KYNU: variants seen among roughly 807,000 people sequenced by gnomAD.
KYNU encodes L-kynurenine hydrolase.
Under a neutral mutation model 59.2 loss-of-function variants are expected in KYNU, and 54 were observed. The observed-to-expected ratio is 0.91, with a 90% confidence interval of 0.73 to 1.14. KYNU has a LOEUF of 1.14. Ranked by LOEUF, KYNU falls within the 50% of genes most tolerant of loss-of-function variation. The pLI is 0.00. For missense variants in KYNU, 567 were observed against 554.4 expected, an observed-to-expected ratio of 1.02 and a Z score of -0.23; for synonymous variants, 177 against 192.0, an observed-to-expected ratio of 0.92 and a Z score of 0.65.
chr2:143,027,500 A>G (rs1558982374), intron 10 of KYNU, among the ~76,000 whole-genome samples: 1 of 152,098 alleles, frequency 6.6e-6, no homozygotes, highest in African/African-American at 2.4e-5. Flanking sequence ...GGGCACAGAC[A>G]TTTCTCCTTT....
intron 10 of KYNU, among the ~76,000 whole-genome samples, chr2:142,997,231 G>T (rs1432466347): frequency 1.3e-5 from 2 of 152,046 alleles, no homozygotes; most frequent in Admixed American, 1.3e-4. Flanking sequence ...ATTTCCAATT[G>T]TTCTCTAAAC....
intron 2 of KYNU, among the ~76,000 whole-genome samples, chr2:142,912,355 A>C (rs1341515410): frequency 1.3e-5 from 2 of 149,384 alleles, no homozygotes; most frequent in African/African-American, 4.9e-5. Context: ...AGAGTCTCTA[A>C]GGATCTTTTG....
At chr2:142,948,444 G>A (rs1683872152) in intron 4 of KYNU, among the ~76,000 whole-genome samples, 1 of 152,170 alleles carries the variant, frequency 6.6e-6, no homozygotes, top group African/African-American at 2.4e-5. Flanking sequence ...ACATACCCAA[G>A]ACTGGGCAAT....
intron 2 of KYNU, among the ~76,000 whole-genome samples, chr2:142,908,802 T>G (rs1453261441): frequency 6.6e-6 from 1 of 152,118 alleles, no homozygotes; most frequent in Non-Finnish European, 1.5e-5. Context: ...GCCTGGCTAA[T>G]TTTTTGTATT....
Position 143,043,755 on chromosome 2 carries a change from ATATT to A in KYNU, c.*1587_*1590del, listed in dbSNP as rs1176476631. 1 of 140,940 alleles carries A rather than the reference ATATT, an allele frequency of 7.1e-6. No individual in the cohort carries two copies. The highest frequency in any genetic ancestry group is 1.6e-5 in the Non-Finnish European group (1 of 64,452). The allele number at this position is 140,940 out of a possible 1,614,324, so 8.7% of individuals were successfully genotyped here. On this transcript the variant is annotated 3_prime_UTR_variant, in exon 14 of 14. Transcript: ENST00000264170. ...ATATATAAATATATATACTTTATATATATTTATATTTATATATTTATATATTTAT... is the reference window on the plus strand; with the variant it reads ...ATATATAAATATATATACTTTATATATATATTTATATATTTATATATTTAT...
At chr2:142,900,211 C>T (rs564509863) in intron 2 of KYNU, among the ~76,000 whole-genome samples, 11 of 152,166 alleles carry the variant, frequency 7.2e-5, no homozygotes, top group South Asian at 2.1e-4. Context: ...TGGCAGCGGG[C>T]GCCTCGCTGG....
chr2:143,055,200 C>A lies in KYNU; in HGVS notation c.*13028C>A, dbSNP rs1687333606. On this transcript the variant is annotated 3_prime_UTR_variant, in exon 14 of 14. Transcript: ENST00000264170. ...AAAATAACCCACATTTATTATCTTA[C>A]AGTTCCATAGGTTAGAAGTTCAACA... The A allele has an allele frequency of 6.6e-6, 1 of 152,172 alleles. No homozygotes were observed. The highest frequency in any genetic ancestry group is 2.4e-5 in the African/African-American group (1 of 41,444). The allele number at this position is 152,172 out of a possible 1,614,324, so 9.4% of individuals were successfully genotyped here.
intron 4 of KYNU, among the ~76,000 whole-genome samples, chr2:142,939,023 G>C (rs1374442357): frequency 1.3e-5 from 2 of 152,032 alleles, no homozygotes; most frequent in African/African-American, 4.8e-5. Flanking sequence ...TGGGGTGTGG[G>C]TGGCTCATAC....
At position 142,927,751 on chromosome 2, in the gene KYNU, A is replaced by G. The variant is rs763643987; in HGVS notation, c.373+10A>G. On this transcript the variant is annotated intron_variant, in intron 4 of 13. Transcript: ENST00000264170. ...ATGAAGGACATTGTAGGTAAGTACAAAACACTGAAGTTTTTCCAAATGAAT... is the reference window on the plus strand; with the variant it reads ...ATGAAGGACATTGTAGGTAAGTACAGAACACTGAAGTTTTTCCAAATGAAT... The G allele has an allele frequency of 5.1e-6, 8 of 1,577,424 alleles. No homozygotes were observed. In the South Asian group the frequency reaches 7.8e-5, roughly 15 times the overall value.
intron 2 of KYNU, among the ~76,000 whole-genome samples, chr2:142,901,019 G>A (rs951519325): frequency 1.3e-5 from 2 of 148,794 alleles, no homozygotes; most frequent in African/African-American, 5.0e-5. Flanking sequence ...CACCACTGCA[G>A]TCTGGCCTTG....
intron 2 of KYNU, among the ~76,000 whole-genome samples, chr2:142,907,903 C>T (rs1682354160): frequency 6.6e-6 from 1 of 152,160 alleles, no homozygotes; most frequent in Non-Finnish European, 1.5e-5. Flanking sequence ...TCTCTCAATA[C>T]TTCAAATATT....
At position 143,042,612 on chromosome 2, in the gene KYNU, A is replaced by ATGTGTG. The variant is rs1558990213; in HGVS notation, c.*441_*442insGTGTGT. The ATGTGTG allele has an allele frequency of 1.6e-4, 2 of 12,830 alleles. No homozygotes were observed. Among genetic ancestry groups the ATGTGTG allele is most frequent in the African/African-American group, 2.4e-4 (2 of 8,390 alleles). The allele number at this position is 12,830 out of a possible 1,614,324, so 0.8% of individuals were successfully genotyped here. ...TATATATATATATATATATATATAT[A>ATGTGTG]TATATATATATATATATATGTGTGT... is the stretch of plus-strand genomic sequence containing the variant. On this transcript the variant is annotated 3_prime_UTR_variant, in exon 14 of 14. Coordinates refer to ENST00000264170, the MANE Select transcript of KYNU (RefSeq NM_003937.3).
At chr2:143,041,382 T>C (rs28394047) in intron 13 of KYNU, among the ~76,000 whole-genome samples, 7 of 152,066 alleles carry the variant, frequency 4.6e-5, no homozygotes, top group South Asian at 2.1e-4. Context: ...GTCGTCAAAC[T>C]CTGTCCTCTT....
chr2:142,944,873 C>T (rs74769895), intron 4 of KYNU, among the ~76,000 whole-genome samples: 251 of 152,318 alleles, frequency 1.6e-3, no homozygotes, highest in African/African-American at 5.5e-3. Context: ...GAATCACACA[C>T]ATTTTTGGTT....
In KYNU at chr2:143,006,394, C is replaced by G. The variant is rs540378135; in HGVS notation, c.902+20373C>G. ...ACGAGATTATATCCCACACCTGGCT[C>G]GGAGGGTCCTACGCCCATGGAATCT... On this transcript the variant is annotated intron_variant, in intron 10 of 13. Transcript: ENST00000264170. Among the ~76,000 whole-genome samples the G allele has an allele frequency of 8.8e-4, 133 of 151,932 alleles. 1 individual carries two copies. The highest frequency in any genetic ancestry group is 3.1e-3 in the African/African-American group (127 of 41,404).
chr2:142,953,677 T>G (rs192182498), intron 4 of KYNU, among the ~76,000 whole-genome samples: 1,781 of 152,326 alleles, frequency 0.012, 24 homozygotes, highest in Non-Finnish European at 0.018. Context: ...ATTATTCACC[T>G]TACAGTGATC....
intron 8 of KYNU, among the ~76,000 whole-genome samples, chr2:142,961,275 C>CTTTTTTTTTT (rs1156276566): frequency 8.5e-5 from 8 of 94,438 alleles, no homozygotes; most frequent in Non-Finnish European, 1.2e-4. Context: ...ATTTAAACTG[C>CTTTTTTTTTT]TTTTTTTTTT....
At chr2:142,883,559 C>T (rs1228408043) in intron 1 of KYNU, among the ~76,000 whole-genome samples, 1 of 151,966 alleles carries the variant, frequency 6.6e-6, no homozygotes, top group Non-Finnish European at 1.5e-5. Flanking sequence ...TGTCATTCCT[C>T]CTTCCCTCTT....
chr2:142,924,614 C>A (rs1158520878), intron 3 of KYNU, among the ~76,000 whole-genome samples: 1 of 152,150 alleles, frequency 6.6e-6, no homozygotes, highest in Non-Finnish European at 1.5e-5. Context: ...TTACATCCTG[C>A]AATTCTAATT....
Sources: gnomAD v4.1 joint callset for allele counts (sites outside exome capture counted in the v4.1 genomes callset) on GRCh38, gnomAD v4.1.1 for gene constraint, MANE v1.5 for transcripts, NCBI Gene and HGNC (gene_info 2026-07-23, HGNC 2026-07-21) for gene names.